Variants in DNER observed in about 807,000 individuals in gnomAD.
DNER encodes the protein delta/notch like EGF repeat containing.
Under a neutral mutation model 78.2 loss-of-function variants are expected in DNER, and 33 were observed. The ratio of observed to expected loss-of-function variants is 0.42; its 90% confidence interval spans 0.32 to 0.56. DNER has a LOEUF of 0.56. Among genes scored for constraint, DNER ranks in the 20% least tolerant of loss-of-function variants. The probability of loss-of-function intolerance (pLI) is 0.11; values close to 1 mark genes in which losing one functional copy is unlikely to be tolerated. For synonymous variants in DNER, 417 were observed against 384.8 expected (o/e 1.08, Z -0.98); for missense variants, 918 against 975.3 (o/e 0.94, Z 0.78).
rs1282877541 is a variant in DNER, at chr2:229,418,139, G to A, written c.1578C>T (p.Gly526=). 1.2e-6 allele frequency: 2 copies of A among 1,614,194 alleles called. No individual in the cohort carries two copies. Among genetic ancestry groups the A allele is most frequent in the African/African-American group, 2.7e-5 (2 of 75,060 alleles). The change falls in exon 9 of 13, where the codon GGC becomes GGT. Residue 526 remains glycine (G), a synonymous_variant. Coordinates refer to ENST00000341772, the MANE Select transcript of DNER (RefSeq NM_139072.4). The part of the protein sequence containing the change: ...NAATCRDLVN[G]YECVCLAEYK... ...ATTCTGCCAGGCACACACACTCATAGCCATTAACGAGGTCCCTGCAGGTGG... is the reference window on the plus strand; with the variant it reads ...ATTCTGCCAGGCACACACACTCATAACCATTAACGAGGTCCCTGCAGGTGG...
chr2:229,551,016 C>T (rs566958263), intron 4 of DNER, among the ~76,000 whole-genome samples: 13 of 152,260 alleles, frequency 8.5e-5, no homozygotes, highest in African/African-American at 2.6e-4. Flanking sequence ...ACTCCTAAAG[C>T]CTGTTTTCAC....
intron 8 of DNER, among the ~76,000 whole-genome samples, chr2:229,434,943 C>T (rs1158812423): frequency 2.0e-5 from 3 of 151,558 alleles, no homozygotes; most frequent in Admixed American, 2.0e-4. Flanking sequence ...CACACACACA[C>T]ACACACGTGC....
At chr2:229,370,686 T>G (rs1692461351) in intron 11 of DNER, among the ~76,000 whole-genome samples, 1 of 152,220 alleles carries the variant, frequency 6.6e-6, no homozygotes, top group South Asian at 2.1e-4. Flanking sequence ...AAAAATTCAG[T>G]TGCAGGCAGG....
At chr2:229,647,060 G>A (rs201523713) in intron 1 of DNER, among the ~76,000 whole-genome samples, 1 of 152,146 alleles carries the variant, frequency 6.6e-6, no homozygotes, top group Non-Finnish European at 1.5e-5. Flanking sequence ...CCAGCTACTT[G>A]GGAGGCTGAG....
At chr2:229,431,133 T>C (rs1304220420) in intron 8 of DNER, among the ~76,000 whole-genome samples, 2 of 152,226 alleles carry the variant, frequency 1.3e-5, no homozygotes, top group African/African-American at 2.4e-5. Context: ...ATAATTAATT[T>C]ATATTTGGAA....
At chr2:229,464,310 T>G (rs554416723) in intron 7 of DNER, among the ~76,000 whole-genome samples, 17 of 152,226 alleles carry the variant, frequency 1.1e-4, no homozygotes, top group Non-Finnish European at 2.4e-4. Flanking sequence ...AAATGTGACT[T>G]TGAATTTTTA....
At chr2:229,448,125 G>A (rs1202736690) in intron 7 of DNER, among the ~76,000 whole-genome samples, 1 of 151,836 alleles carries the variant, frequency 6.6e-6, no homozygotes, top group African/African-American at 2.4e-5. Flanking sequence ...TTTTTAAAAA[G>A]TTGATTGTTG....
intron 5 of DNER, among the ~76,000 whole-genome samples, chr2:229,524,874 C>T (rs541803852): frequency 1.3e-5 from 2 of 152,308 alleles, no homozygotes; most frequent in Non-Finnish European, 1.5e-5. Context: ...CAGCTTTTGT[C>T]CTTCTGGGGC....
chr2:229,649,453 A>AG, intron 1 of DNER, among the ~76,000 whole-genome samples: 1 of 152,318 alleles, frequency 6.6e-6, no homozygotes, highest in Admixed American at 6.5e-5. Flanking sequence ...AACCAACTCT[A>AG]GGGGGAAAAA....
intron 5 of DNER, among the ~76,000 whole-genome samples, chr2:229,534,353 G>A (rs935071187): frequency 1.3e-5 from 2 of 151,890 alleles, no homozygotes; most frequent in African/African-American, 4.9e-5. Flanking sequence ...CCAATAGATT[G>A]TAATGGTAAC....
intron 1 of DNER, among the ~76,000 whole-genome samples, chr2:229,622,582 C>T (rs968402508): frequency 2.6e-5 from 4 of 152,160 alleles, no homozygotes; most frequent in Non-Finnish European, 4.4e-5. Flanking sequence ...TCGTGTACCC[C>T]CAAAAGAAGA....
At chr2:229,584,703 G>A (rs1459068205) in intron 4 of DNER, among the ~76,000 whole-genome samples, 1 of 152,032 alleles carries the variant, frequency 6.6e-6, no homozygotes, top group Non-Finnish European at 1.5e-5. Flanking sequence ...GGCCGAGGCG[G>A]GTGGATCACG....
At chr2:229,442,661 A>G (rs1694261161) in intron 8 of DNER, among the ~76,000 whole-genome samples, 1 of 152,220 alleles carries the variant, frequency 6.6e-6, no homozygotes. Context: ...CTTTGCAGGT[A>G]TATTTATTTC....
intron 1 of DNER, among the ~76,000 whole-genome samples, chr2:229,670,605 A>G (rs532895064): frequency 6.6e-6 from 1 of 152,360 alleles, no homozygotes; most frequent in East Asian, 1.9e-4. Flanking sequence ...AGGCAACACT[A>G]GTTCTGGGGT....
At chr2:229,557,333 A>G (rs1696871219) in intron 4 of DNER, among the ~76,000 whole-genome samples, 1 of 152,236 alleles carries the variant, frequency 6.6e-6, no homozygotes, top group South Asian at 2.1e-4. Flanking sequence ...TGTACATAGC[A>G]TAGTTGCTGC....
At chr2:229,668,536 G>GTGTATATATATATATATATA (rs1255752675) in intron 1 of DNER, among the ~76,000 whole-genome samples, 1 of 7,096 alleles carries the variant, frequency 1.4e-4, no homozygotes, top group African/African-American at 3.0e-4. Context: ...GTGTGTGTGT[G>GTGTATATATATATATATATA]TATATATATA....
intron 1 of DNER, among the ~76,000 whole-genome samples, chr2:229,594,619 A>AG (rs1407215582): frequency 1.3e-5 from 2 of 150,426 alleles, no homozygotes; most frequent in Non-Finnish European, 3.0e-5. Flanking sequence ...AAACAAAAAA[A>AG]AAAACAGGCA....
intron 1 of DNER, among the ~76,000 whole-genome samples, chr2:229,636,297 C>CTA (rs1480873925): frequency 6.6e-6 from 1 of 152,238 alleles, no homozygotes. Flanking sequence ...CACCCCTGTG[C>CTA]TCCCTGCCCT....
chr2:229,430,503 T>C (rs1215680874), intron 8 of DNER, among the ~76,000 whole-genome samples: 3 of 152,090 alleles, frequency 2.0e-5, no homozygotes, highest in South Asian at 4.2e-4. Flanking sequence ...GGCAGAAAAA[T>C]GTGAAAAGAG....
Sources: gnomAD v4.1 joint callset for allele counts (sites outside exome capture counted in the v4.1 genomes callset) on GRCh38, gnomAD v4.1.1 for gene constraint, MANE v1.5 for transcripts, NCBI Gene and HGNC (gene_info 2026-07-23, HGNC 2026-07-21) for gene names.